The following RAB11FIP3 variants were observed in gnomAD, a reference collection of about 807,000 sequenced individuals.
RAB11FIP3 encodes rab11 family-interacting protein 3.
A neutral mutation model predicts 77.8 loss-of-function variants in RAB11FIP3; 17 were observed. The ratio of observed to expected loss-of-function variants is 0.22; its 90% CI spans 0.15 to 0.33. The LOEUF (loss-of-function observed/expected upper bound fraction) is 0.33, where lower values mean the gene tolerates loss of function less well. RAB11FIP3 is among the 10% of genes least tolerant of loss of function. The pLI, the probability that RAB11FIP3 is intolerant of heterozygous loss-of-function variation, is 1.00. For missense variants in RAB11FIP3, 1,005 were observed against 1,011.2 expected, an observed-to-expected ratio of 0.99 and a Z score of 0.08; for synonymous variants, 437 against 448.2, an observed-to-expected ratio of 0.98 and a Z score of 0.31.
intron 4 of RAB11FIP3, 121 bp from the exon 5 acceptor site, chr16:488,730 C>A: frequency 2.4e-5 from 18 of 736,092 alleles, no homozygotes; most frequent in South Asian, 3.3e-5. Flanking sequence ...TTTTTTTAAA[C>A]GTGGCTCCCA....
At chr16:436,928 A>C (rs754851986) in intron 1 of RAB11FIP3, among the ~76,000 whole-genome samples, 2 of 152,098 alleles carry the variant, frequency 1.3e-5, no homozygotes, top group African/African-American at 2.4e-5. Flanking sequence ...AATAAGTCCT[A>C]GTGTTCTATA....
In RAB11FIP3 at chr16:520,087, C is replaced by T. The variant is rs926132312; in HGVS notation, c.1861-35C>T. The T allele has an allele frequency of 2.6e-6, 4 of 1,540,250 alleles. No homozygotes were observed. The African/African-American group carries it at 4.1e-5, about 16-fold the overall frequency. ...TGGCTGACGGTGGCCCCTGGGAGCC[C>T]AGGCCCCCCGGCTCACTGCACGGTT... On this transcript the variant is annotated intron_variant, in intron 11 of 13. Coordinates refer to ENST00000262305, the MANE Select transcript of RAB11FIP3 (RefSeq NM_014700.4).
At chr16:463,574 G>A (rs2141658230) in intron 2 of RAB11FIP3, among the ~76,000 whole-genome samples, 1 of 152,006 alleles carries the variant, frequency 6.6e-6, no homozygotes, top group East Asian at 1.9e-4. Flanking sequence ...GAGTACCTGG[G>A]ATTACAGGCA....
intron 2 of RAB11FIP3, among the ~76,000 whole-genome samples, chr16:467,345 G>A (rs2055718507): frequency 6.6e-6 from 1 of 152,230 alleles, no homozygotes; most frequent in African/African-American, 2.4e-5. Flanking sequence ...CTGGTGTGAG[G>A]GGTGGGACAC....
At chr16:445,128 A>AAAAG (rs2055292419) in intron 1 of RAB11FIP3, among the ~76,000 whole-genome samples, 1 of 141,780 alleles carries the variant, frequency 7.1e-6, no homozygotes, top group African/African-American at 2.6e-5. Context: ...AAAAAAAAAA[A>AAAAG]AAAGAAAAAA....
At chr16:518,598 G>A (rs569545308) in intron 9 of RAB11FIP3, among the ~76,000 whole-genome samples, 20 of 152,168 alleles carry the variant, frequency 1.3e-4, no homozygotes, top group Non-Finnish European at 2.1e-4. Flanking sequence ...GGTGGCAGGC[G>A]CCTGTAATCC....
chr16:453,596 T>TTG (rs200466527), intron 1 of RAB11FIP3: 33 of 123,656 alleles, frequency 2.7e-4, no homozygotes, highest in Non-Finnish European at 4.0e-4. Context: ...GTTTTTTTTT[T>TTG]TTTTTTTTTT....
intron 1 of RAB11FIP3, among the ~76,000 whole-genome samples, chr16:451,964 G>A (rs1391361442): frequency 6.6e-6 from 1 of 152,112 alleles, no homozygotes; most frequent in South Asian, 2.1e-4. Context: ...GCCTGGCTAA[G>A]ATAGTGAAAC....
Position 520,856 on chromosome 16 carries a change from C to T in RAB11FIP3, c.*17C>T, listed in dbSNP as rs1425220319. ...GTCAAGTAGAGGCAGGAAGGTCCAGCCTGAGCTGGATTCGGGACTCCAACA... is the reference window on the plus strand; with the variant it reads ...GTCAAGTAGAGGCAGGAAGGTCCAGTCTGAGCTGGATTCGGGACTCCAACA... On this transcript the variant is annotated 3_prime_UTR_variant, in exon 14 of 14. Coordinates refer to ENST00000262305, the MANE Select transcript of RAB11FIP3 (RefSeq NM_014700.4). The T allele has an allele frequency of 6.2e-7, 1 of 1,604,800 alleles. No individual in the cohort carries two copies. Among genetic ancestry groups the T allele is most frequent in the Non-Finnish European group, 8.5e-7 (1 of 1,172,410 alleles).
At chr16:492,283 C>T (rs553200246) in intron 5 of RAB11FIP3, among the ~76,000 whole-genome samples, 44 of 151,120 alleles carry the variant, frequency 2.9e-4, no homozygotes, top group East Asian at 1.6e-3. Context: ...GGGTGGGGCC[C>T]GGCACTGATG....
chr16:465,884 C>T (rs1307626297), intron 2 of RAB11FIP3, among the ~76,000 whole-genome samples: 1 of 152,200 alleles, frequency 6.6e-6, no homozygotes, highest in Non-Finnish European at 1.5e-5. Context: ...GGATTACAGA[C>T]GTGAGCCACC....
intron 2 of RAB11FIP3, among the ~76,000 whole-genome samples, chr16:463,686 C>T (rs1012982753): frequency 6.6e-6 from 1 of 152,186 alleles, no homozygotes; most frequent in Non-Finnish European, 1.5e-5. Flanking sequence ...GATCCACCCA[C>T]CTTGGCCTCC....
intron 1 of RAB11FIP3, among the ~76,000 whole-genome samples, chr16:433,931 T>G (rs1331472738): frequency 6.6e-6 from 1 of 152,012 alleles, no homozygotes; most frequent in Non-Finnish European, 1.5e-5. Flanking sequence ...TGATGGACAC[T>G]TAGATTGATT....
chr16:517,355 GC>G (rs1299332599), intron 9 of RAB11FIP3, among the ~76,000 whole-genome samples: 1 of 151,888 alleles, frequency 6.6e-6, no homozygotes, highest in African/African-American at 2.4e-5. Flanking sequence ...GAACCTTTAA[GC>G]TCAGAGTTGG....
chr16:451,844 CAAAGGAAA>C (rs2055413652), intron 1 of RAB11FIP3, among the ~76,000 whole-genome samples: 1 of 149,654 alleles, frequency 6.7e-6, no homozygotes, highest in Admixed American at 6.6e-5. Flanking sequence ...CAAAAACAAA[CAAAGGAAA>C]AAAACAAACA....
At chr16:466,241 A>C (rs1325158125) in intron 2 of RAB11FIP3, among the ~76,000 whole-genome samples, 2 of 152,052 alleles carry the variant, frequency 1.3e-5, no homozygotes, top group East Asian at 3.9e-4. Context: ...CCTGTCATGG[A>C]GAGTTAAGAC....
In RAB11FIP3 at chr16:494,693, G is replaced by C. The variant is rs955324694; in HGVS notation, c.1266-2131G>C. ...AGAAAGGAGAGCCACACAGTAATTT[G>C]AACAGGGACAGTTTAATACTACAAA... On this transcript the variant is annotated intron_variant, in intron 5 of 13. Transcript: ENST00000262305. Among the ~76,000 whole-genome samples, 6 of 152,270 alleles carry C rather than the reference G, an allele frequency of 3.9e-5. No homozygotes were observed. The South Asian group carries it at 6.2e-4, about 16-fold the overall frequency.
chr16:426,151 G>T lies in RAB11FIP3; in HGVS notation c.145G>T (p.Asp49Tyr). The change falls in exon 1 of 14, where the codon GAC (aspartate) becomes TAC (tyrosine). Residue 49 changes from aspartate (D) to tyrosine (Y), a missense_variant. Coordinates refer to ENST00000262305, the MANE Select transcript of RAB11FIP3 (RefSeq NM_014700.4). This position sits in a 1 kb window ranked among gnomAD's most constrained non-coding sequence, Gnocchi z 5.0. ...CCTCGGAGCGCCCGTCGGCGGCCCC[G>T]ACCCGCAGTCCCCGGGCCTGGATGA... The part of the protein sequence containing the change: ...LRLGAPVGGP[D>Y]PQSPGLDEPA... The T allele has an allele frequency of 9.9e-7, 1 of 1,013,512 alleles. No individual in the cohort carries two copies. Among genetic ancestry groups the T allele is most frequent in the South Asian group, 4.5e-5 (1 of 22,338 alleles). 62.8% of individuals were successfully genotyped at this position (1,013,512 alleles called of 1,614,324 possible). A position where few individuals can be genotyped will look rare whatever the true frequency, so the allele number is the denominator to read the frequency against.
chr16:502,211 C>T (rs1200555088), intron 6 of RAB11FIP3, among the ~76,000 whole-genome samples: 3 of 152,362 alleles, frequency 2.0e-5, no homozygotes, highest in African/African-American at 4.8e-5. Flanking sequence ...TTCACCACAG[C>T]GAATCTGACC....
Sources: allele counts gnomAD v4.1 joint callset (sites outside exome capture counted in the v4.1 genomes callset), GRCh38; gene constraint gnomAD v4.1.1; non-coding constraint Gnocchi (gnomAD v3.1); transcripts MANE v1.5; gene names NCBI Gene and HGNC (gene_info 2026-07-23, HGNC 2026-07-21).